The following ELAVL2 variants were observed in gnomAD, a reference collection of about 807,000 sequenced individuals.
ELAVL2 encodes ELAV-like protein 2.
In ELAVL2, 4 loss-of-function variants were observed where a neutral mutation model predicts 34.6. That is an observed-to-expected ratio of 0.12 (90% CI 0.06 to 0.26). ELAVL2 has a LOEUF of 0.26. Among genes scored for constraint, ELAVL2 ranks in the 10% least tolerant of loss-of-function variants. ELAVL2 has a pLI of 1.00. For synonymous variants in ELAVL2, 193 were observed against 154.8 expected, an observed-to-expected ratio of 1.25 and a Z score of -1.83; for missense variants, 432 against 442.8, an observed-to-expected ratio of 0.98 and a Z score of 0.22.
chr9:23,775,388 C>T (rs1301338738), intron 1 of ELAVL2, among the ~76,000 whole-genome samples: 1 of 152,158 alleles, frequency 6.6e-6, no homozygotes, highest in Non-Finnish European at 1.5e-5. Flanking sequence ...ATCTTATGCA[C>T]TATAAGCTAT....
chr9:23,700,173 C>A (rs1318968065), intron 5 of ELAVL2, among the ~76,000 whole-genome samples: 1 of 152,070 alleles, frequency 6.6e-6, no homozygotes, highest in East Asian at 1.9e-4. Flanking sequence ...ATTAACTATT[C>A]TGTCCCATGA....
At chr9:23,736,033 AT>A (rs1564169241) in intron 2 of ELAVL2, among the ~76,000 whole-genome samples, 1 of 152,332 alleles carries the variant, frequency 6.6e-6, no homozygotes, top group East Asian at 1.9e-4. Context: ...TTTAATTAAA[AT>A]TTTAATTGCA....
chr9:23,781,175 A>G (rs1297225215), intron 1 of ELAVL2, among the ~76,000 whole-genome samples: 2 of 152,248 alleles, frequency 1.3e-5, no homozygotes, highest in Non-Finnish European at 2.9e-5. Flanking sequence ...AGAATGGCTT[A>G]TAAAAAATTT....
intron 3 of ELAVL2, among the ~76,000 whole-genome samples, chr9:23,720,119 G>A (rs111919876): frequency 0.017 from 2,582 of 151,612 alleles, 64 homozygotes; most frequent in African/African-American, 0.059. Flanking sequence ...GAGCCACCGC[G>A]CCTGGCTCAA....
the ELAVL2 span, chr9:23,849,743 A>G: frequency 6.6e-6 from 1 of 152,166 alleles, no homozygotes; most frequent in Non-Finnish European, 1.5e-5. Flanking sequence ...TAGAGAGAAA[A>G]ACAAAATTAG....
At chr9:23,745,394 T>C (rs1018631321) in intron 2 of ELAVL2, among the ~76,000 whole-genome samples, 14 of 152,166 alleles carry the variant, frequency 9.2e-5, no homozygotes, top group African/African-American at 3.1e-4. Flanking sequence ...CCCACCACCA[T>C]CTTTTCACTT....
intron 1 of ELAVL2, chr9:23,764,860 A>T: frequency 1.4e-6 from 1 of 734,702 alleles, no homozygotes; most frequent in Non-Finnish European, 2.2e-6. Context: ...AATGTGCTTT[A>T]AGTCCTAATG....
At chr9:23,707,564 C>G (rs2039725134) in intron 3 of ELAVL2, among the ~76,000 whole-genome samples, 1 of 152,136 alleles carries the variant, frequency 6.6e-6, no homozygotes, top group South Asian at 2.1e-4. Context: ...AGGTGACAGG[C>G]TCTGCATGAG....
chr9:23,837,866 G>C, the ELAVL2 span, among the ~76,000 whole-genome samples: 5 of 152,108 alleles, frequency 3.3e-5, no homozygotes, highest in Non-Finnish European at 7.3e-5. Context: ...ATAGAAGAGA[G>C]AGAAAATTTA....
chr9:23,702,548 G>C (rs35669748), intron 4 of ELAVL2, among the ~76,000 whole-genome samples: 10,984 of 150,466 alleles, frequency 0.073, 476 homozygotes, highest in Middle Eastern at 0.096. Context: ...TTTTTGGCAA[G>C]TAAATGAGCA....
At chr9:23,840,987 T>C in the ELAVL2 span, among the ~76,000 whole-genome samples, 1 of 152,160 alleles carries the variant, frequency 6.6e-6, no homozygotes, top group African/African-American at 2.4e-5. Context: ...CTCACCATGA[T>C]TGTCTAACAG....
At chr9:23,763,585 A>G (rs904218272) in intron 1 of ELAVL2, among the ~76,000 whole-genome samples, 2 of 152,156 alleles carry the variant, frequency 1.3e-5, no homozygotes, top group Non-Finnish European at 1.5e-5. Context: ...GTAAAGGGAA[A>G]GAGGGTTACA....
chr9:23,762,489 C>G (rs995476727), intron 1 of ELAVL2, among the ~76,000 whole-genome samples: 1 of 152,054 alleles, frequency 6.6e-6, no homozygotes, highest in East Asian at 1.9e-4. Context: ...CAATTTAAAT[C>G]TTAAACATTT....
intron 1 of ELAVL2, among the ~76,000 whole-genome samples, chr9:23,793,698 G>C (rs1285014695): frequency 6.6e-6 from 1 of 152,104 alleles, no homozygotes; most frequent in African/African-American, 2.4e-5. Flanking sequence ...ACAAAACACA[G>C]TAATATACTA....
intron 3 of ELAVL2, among the ~76,000 whole-genome samples, chr9:23,721,098 CGTTA>C (rs1323337825): frequency 2.0e-5 from 3 of 152,176 alleles, no homozygotes; most frequent in Non-Finnish European, 4.4e-5. Flanking sequence ...ATCCACTGAT[CGTTA>C]GTTTCTAAAT....
intron 1 of ELAVL2, among the ~76,000 whole-genome samples, chr9:23,815,901 A>G (rs1588779768): frequency 6.6e-6 from 1 of 152,168 alleles, no homozygotes; most frequent in African/African-American, 2.4e-5. Context: ...ATGAGACAGG[A>G]AAGCTTAGAG....
chr9:23,786,639 C>G (rs28561377), intron 1 of ELAVL2, among the ~76,000 whole-genome samples: 9,514 of 151,996 alleles, frequency 0.063, 963 homozygotes, highest in African/African-American at 0.21. Context: ...TACCCTGAAG[C>G]TATAAGAAGC....
intron 4 of ELAVL2, 103 bp from the exon 5 acceptor site, chr9:23,701,707 C>T (rs1391344430): frequency 4.2e-6 from 5 of 1,196,540 alleles, no homozygotes; most frequent in South Asian, 1.4e-5. Context: ...AACATGTTTT[C>T]ACCTACATAT....
At chr9:23,794,385 T>C (rs993233178) in intron 1 of ELAVL2, among the ~76,000 whole-genome samples, 1 of 152,150 alleles carries the variant, frequency 6.6e-6, no homozygotes, top group Admixed American at 6.5e-5. Flanking sequence ...CTACAACAGA[T>C]TGACTGTTAA....
Sources: gnomAD v4.1 joint callset for allele counts (sites outside exome capture counted in the v4.1 genomes callset) on GRCh38, gnomAD v4.1.1 for gene constraint, MANE v1.5 for transcripts, NCBI Gene and HGNC (gene_info 2026-07-23, HGNC 2026-07-21) for gene names.